The following FKBP15 variants were observed in gnomAD, a reference collection of about 807,000 sequenced individuals.
The protein encoded by FKBP15 is FKBP prolyl isomerase family member 15, also known as FK506-binding protein 15.
FKBP15 carries 106 observed loss-of-function variants against 158.1 expected under a neutral mutation model. That is an observed-to-expected ratio of 0.67 (90% CI 0.57 to 0.79). FKBP15 has a LOEUF of 0.79. Among genes scored for constraint, FKBP15 ranks in the 30% least tolerant of loss-of-function variants. FKBP15 has a pLI of 0.00. For missense variants in FKBP15, 1,287 were observed against 1,479.1 expected (o/e 0.87, Z 2.13); for synonymous variants, 547 against 548.6 (o/e 1.00, Z 0.04).
chr9:113,186,101 G>A (rs560866447), intron 15 of FKBP15, 148 bp downstream of exon 15: 1 of 613,116 alleles, frequency 1.6e-6, no homozygotes, highest in African/African-American at 1.8e-5. Context: ...GAATGAATGT[G>A]TGGAATACAT....
intron 12 of FKBP15, 49 bp downstream of exon 12, chr9:113,190,422 T>C (rs1830554417): frequency 7.2e-7 from 1 of 1,393,890 alleles, no homozygotes; most frequent in Admixed American, 2.0e-5. Context: ...AAAAGAAAGA[T>C]GATGGCGACA....
At chr9:113,212,271 C>G (rs1308854131) in intron 1 of FKBP15, among the ~76,000 whole-genome samples, 4 of 152,120 alleles carry the variant, frequency 2.6e-5, no homozygotes, top group Non-Finnish European at 5.9e-5. Context: ...TCACTGCAAC[C>G]TCCGCTTCCC....
chr9:113,212,482 C>A (rs574171766), intron 1 of FKBP15, among the ~76,000 whole-genome samples: 6 of 152,324 alleles, frequency 3.9e-5, no homozygotes, highest in African/African-American at 1.2e-4. Context: ...AGCCACCAGG[C>A]CCATCCGATC....
At chr9:113,203,146 C>T in intron 4 of FKBP15, 111 bp from the exon 5 acceptor site, 1 of 701,288 alleles carries the variant, frequency 1.4e-6, no homozygotes, top group Non-Finnish European at 2.4e-6. Flanking sequence ...GGTTGTGCTT[C>T]ATACTAAACT....
chr9:113,216,357 A>G (rs980449243), intron 1 of FKBP15, among the ~76,000 whole-genome samples: 3 of 152,232 alleles, frequency 2.0e-5, no homozygotes, highest in African/African-American at 7.2e-5. Flanking sequence ...ATTTTATATG[A>G]CTTGAAACTA....
intron 19 of FKBP15, among the ~76,000 whole-genome samples, chr9:113,180,595 A>G (rs1360712429): frequency 1.3e-5 from 2 of 152,192 alleles, no homozygotes; most frequent in Admixed American, 6.5e-5. Context: ...ACAGTTCAGA[A>G]AAACAGTGAA....
Position 113,169,554 on chromosome 9 carries a change from A to C in FKBP15, c.3155T>G (p.Val1052Gly). Residue 1052 changes from valine (V) to glycine (G), a missense_variant, in exon 26 of 28, where the codon GTA (valine) becomes GGA (glycine). Coordinates refer to ENST00000238256, the MANE Select transcript of FKBP15 (RefSeq NM_015258.2). ...CTCCTCACACTCAGAGTCCATGGAT[A>C]CAGGGCCTAGGGGCTCAGGTGGAAT... The part of the protein sequence containing the change: ...TSIPPEPLGP[V>G]SMDSECEESL... 6.2e-7 allele frequency: 1 copy of C among 1,614,008 alleles called. No individual in the cohort carries two copies. Among genetic ancestry groups the C allele is most frequent in the Non-Finnish European group, 8.5e-7 (1 of 1,179,888 alleles).
intron 19 of FKBP15, among the ~76,000 whole-genome samples, chr9:113,182,275 G>C (rs538869644): frequency 6.6e-5 from 10 of 152,296 alleles, no homozygotes; most frequent in Admixed American, 6.5e-4. Flanking sequence ...AAGGGGAGAA[G>C]CGAGCTTCAG....
At chr9:113,210,217 G>C (rs377383604) in intron 2 of FKBP15, among the ~76,000 whole-genome samples, 3 of 152,144 alleles carry the variant, frequency 2.0e-5, no homozygotes, top group Non-Finnish European at 2.9e-5. Flanking sequence ...CTCACCACTG[G>C]GGGTGAGCTT....
rs940195212 is a variant in FKBP15, at chr9:113,182,829, G to C, written c.1851C>G (p.Asn617Lys). ...EQSNLMMEKR[N>K]NSLQTATENT... ...TTTCTGTGGCTGTCTGAAGTGAGTT[G>C]TTCCTCTTCTCCATCATCAGGTTAC... The change falls in exon 19 of 28, where the codon AAC becomes AAG. Residue 617 changes from asparagine (N) to lysine (K), a missense_variant. Coordinates refer to ENST00000238256, the MANE Select transcript of FKBP15 (RefSeq NM_015258.2). The C allele has an allele frequency of 1.2e-6, 2 of 1,613,802 alleles. No individual in the cohort carries two copies. The highest frequency in any genetic ancestry group is 1.3e-5 in the African/African-American group (1 of 75,014).
At chr9:113,202,664 G>T in intron 5 of FKBP15, 35 bp from the exon 6 acceptor site, 1 of 1,490,278 alleles carries the variant, frequency 6.7e-7, no homozygotes, top group Non-Finnish European at 9.2e-7. Flanking sequence ...TCATCCACAA[G>T]CAGTATTATA....
At position 113,221,232 on chromosome 9, in the gene FKBP15, C is replaced by A; in HGVS notation, c.12G>T (p.Ala4=). Residue 4 remains alanine, a synonymous_variant, in exon 1 of 28, where the codon GCG becomes GCT. Transcript: ENST00000238256. The part of the protein sequence containing the change: MFG[A]GDEDDTDFLS... ...GGAAATCGGTGTCGTCCTCGTCCCCCGCACCGAACATTGCGTTGGCTTTCA... is the reference window on the plus strand; with the variant it reads ...GGAAATCGGTGTCGTCCTCGTCCCCAGCACCGAACATTGCGTTGGCTTTCA... 1 of 1,608,478 alleles carries A rather than the reference C, an allele frequency of 6.2e-7. No homozygotes were observed. The highest frequency in any genetic ancestry group is 8.5e-7 in the Non-Finnish European group (1 of 1,177,618).
chr9:113,218,380 TATATATATATATATA>T (rs1831186867), intron 1 of FKBP15, among the ~76,000 whole-genome samples: 44 of 92,996 alleles, frequency 4.7e-4, no homozygotes, highest in African/African-American at 1.2e-3. Flanking sequence ...AATACAATTA[TATATATATATATATA>T]TATATATATA....
intron 18 of FKBP15, 137 bp downstream of exon 18, chr9:113,183,611 CAAT>C: frequency 1.6e-6 from 1 of 613,364 alleles, no homozygotes; most frequent in South Asian, 2.0e-5. Context: ...AGAAAACAGG[CAAT>C]AATTCACATG....
At chr9:113,171,070 C>T (rs1830200044) in intron 24 of FKBP15, among the ~76,000 whole-genome samples, 1 of 152,216 alleles carries the variant, frequency 6.6e-6, no homozygotes, top group African/African-American at 2.4e-5. Context: ...TTTGGGTTTG[C>T]CACTTAATAT....
At chr9:113,216,773 T>C (rs1178134075) in intron 1 of FKBP15, among the ~76,000 whole-genome samples, 1 of 152,202 alleles carries the variant, frequency 6.6e-6, no homozygotes, top group African/African-American at 2.4e-5. Flanking sequence ...ATAGCCTTTT[T>C]AAAAGGAAAG....
intron 4 of FKBP15, 135 bp from the exon 5 acceptor site, chr9:113,203,170 T>C: frequency 1.6e-6 from 1 of 624,280 alleles, no homozygotes; most frequent in Non-Finnish European, 2.8e-6. Context: ...AATCTATTCA[T>C]CCTTTAAGGC....
chr9:113,202,443 A>T (rs1475500616), intron 6 of FKBP15, 88 bp downstream of exon 6: 1 of 1,004,084 alleles, frequency 1.0e-6, no homozygotes, highest in Non-Finnish European at 1.5e-6. Context: ...AACACAGCAG[A>T]TTATGGGTTT....
At chr9:113,167,955 TG>T (rs1264366230) in intron 27 of FKBP15, among the ~76,000 whole-genome samples, 3 of 152,148 alleles carry the variant, frequency 2.0e-5, no homozygotes, top group Admixed American at 2.0e-4. Context: ...GCTGAGTAAG[TG>T]GAAAATGCTC....
Sources: allele counts gnomAD v4.1 joint callset (sites outside exome capture counted in the v4.1 genomes callset), GRCh38; gene constraint gnomAD v4.1.1; transcripts MANE v1.5; gene names NCBI Gene and HGNC (gene_info 2026-07-23, HGNC 2026-07-21).